Variants in ALG12 observed in about 807,000 individuals in gnomAD.
ALG12 encodes dol-P-Man:Man(7)GlcNAc(2)-PP-Dol alpha-1,6-mannosyltransferase.
ALG12 carries 36 observed loss-of-function variants against 46.0 expected under a neutral mutation model. The ratio of observed to expected loss-of-function variants is 0.78; its 90% CI spans 0.60 to 1.03. The LOEUF (loss-of-function observed/expected upper bound fraction) is 1.03, where lower values mean the gene tolerates loss of function less well. Ranked by LOEUF, ALG12 falls within the 50% of genes least tolerant of loss-of-function variation. The pLI, the probability that ALG12 is intolerant of heterozygous loss-of-function variation, is 0.00. For missense variants in ALG12, 599 were observed against 633.5 expected, an observed-to-expected ratio of 0.95 and a Z score of 0.58; for synonymous variants, 326 against 291.6, an observed-to-expected ratio of 1.12 and a Z score of -1.20.
chr22:49,877,267 T>TTATC, the ALG12 span, among the ~76,000 whole-genome samples: 2 of 3,652 alleles, frequency 5.5e-4, no homozygotes, highest in Non-Finnish European at 2.0e-3. Flanking sequence ...TATTATTTAT[T>TTATC]TATTTATTTA....
At position 49,913,817 on chromosome 22, in the gene ALG12, G is replaced by A. The variant is rs1569178348; in HGVS notation, c.-52C>T. 1.2e-6 allele frequency: 2 copies of A among 1,608,310 alleles called. No individual in the cohort carries two copies. Among genetic ancestry groups the A allele is most frequent in the Non-Finnish European group, 1.7e-6 (2 of 1,178,860 alleles). ...CACAGGCCAACAGTGCGAGACACCAGCCGTTAGCACTGCCACTCCACGCAT... is the reference window on the plus strand; with the variant it reads ...CACAGGCCAACAGTGCGAGACACCAACCGTTAGCACTGCCACTCCACGCAT... On this transcript the variant is annotated 5_prime_UTR_variant, in exon 2 of 10. Coordinates refer to ENST00000330817, the MANE Select transcript of ALG12 (RefSeq NM_024105.4).
In ALG12 at chr22:49,907,453, TA is replaced by T. The variant is rs1366557152; in HGVS notation, c.992+267del. Among the ~76,000 whole-genome samples, 4 of 152,126 alleles carry T rather than the reference TA, an allele frequency of 2.6e-5. No homozygotes were observed. The East Asian group carries it at 7.7e-4, about 29-fold the overall frequency. ...GGACTGGGGTCACCCTCCTTTGACATAAGCGCCTAGTTCAACACACCCTGTG... is the reference window on the plus strand; with the variant it reads ...GGACTGGGGTCACCCTCCTTTGACATAGCGCCTAGTTCAACACACCCTGTG... On this transcript the variant is annotated intron_variant, in intron 7 of 9. Transcript: ENST00000330817.
chr22:49,898,587 A>G (rs2060492745), downstream of ALG12, among the ~76,000 whole-genome samples: 1 of 151,596 alleles, frequency 6.6e-6, no homozygotes, highest in African/African-American at 2.4e-5. Flanking sequence ...ACGGGGTTTC[A>G]CCATGTTGGC....
the ALG12 span, chr22:49,884,962 G>A: frequency 6.2e-7 from 1 of 1,612,402 alleles, no homozygotes; most frequent in Non-Finnish European, 8.5e-7. Context: ...GCAGCAGGCT[G>A]ATGGGCTGAG....
rs568064935 is a variant in ALG12, at chr22:49,912,917, AT to A, written c.295+467del. 1.0e-3 allele frequency among the ~76,000 whole-genome samples: 151 copies of A among 148,734 alleles called. 1 individual carries two copies. Among genetic ancestry groups the A allele is most frequent in the African/African-American group, 2.1e-3 (84 of 40,884 alleles). ...AGAACAATATGTACAAAACGTTCTA[AT>A]TTTTTTTTTTTAAAGTCCTCATGTG... On this transcript the variant is annotated intron_variant, in intron 3 of 9. Coordinates refer to ENST00000330817, the MANE Select transcript of ALG12 (RefSeq NM_024105.4).
chr22:49,874,556 G>A, the ALG12 span, among the ~76,000 whole-genome samples: 1 of 149,164 alleles, frequency 6.7e-6, no homozygotes, highest in African/African-American at 2.5e-5. Flanking sequence ...TGTATTTTTA[G>A]TAGACATGGG....
chr22:49,861,265 C>G, the ALG12 span, among the ~76,000 whole-genome samples: 1 of 151,816 alleles, frequency 6.6e-6, no homozygotes, highest in Non-Finnish European at 1.5e-5. Flanking sequence ...CCTCAGCCTC[C>G]TGAGTAGCTG....
the ALG12 span, among the ~76,000 whole-genome samples, chr22:49,881,222 G>A: frequency 2.0e-5 from 3 of 152,212 alleles, no homozygotes; most frequent in Non-Finnish European, 2.9e-5. Context: ...CATGGCACAC[G>A]CCTGTAATCC....
chr22:49,901,619 C>CGTGGTGGGTATGTATG lies in ALG12; in HGVS notation c.*2203_*2218dup, dbSNP rs1569171192. Reference sequence around the variant, plus strand: ...CACCTGTGCATTGTGTGTGTGCATGCGTGGTGGGTATGTATGGTGTGTGCA... The same window carrying CGTGGTGGGTATGTATG: ...CACCTGTGCATTGTGTGTGTGCATGCGTGGTGGGTATGTATGGTGGTGGGTATGTATGGTGTGTGCA... On this transcript the variant is annotated 3_prime_UTR_variant, in exon 10 of 10. Transcript: ENST00000330817. 1 of 125,012 alleles carries CGTGGTGGGTATGTATG rather than the reference C, an allele frequency of 8.0e-6. No homozygotes were observed. Among genetic ancestry groups the CGTGGTGGGTATGTATG allele is most frequent in the Non-Finnish European group, 1.6e-5 (1 of 62,578 alleles). 7.7% of individuals were successfully genotyped at this position (125,012 alleles called of 1,614,324 possible).
the ALG12 span, chr22:49,884,234 C>T: frequency 2.2e-5 from 35 of 1,601,918 alleles, no homozygotes; most frequent in East Asian, 5.6e-4. Context: ...CTGCTTCCAC[C>T]ACAGCCTGCG....
chr22:49,872,537 T>C, the ALG12 span, among the ~76,000 whole-genome samples: 2 of 152,230 alleles, frequency 1.3e-5, no homozygotes, highest in East Asian at 3.9e-4. Context: ...GTTTTGTTTT[T>C]GTTGTTTTTA....
the ALG12 span, among the ~76,000 whole-genome samples, chr22:49,878,954 C>G: frequency 6.6e-6 from 1 of 151,744 alleles, no homozygotes; most frequent in East Asian, 2.0e-4. Context: ...ACCATCGTGG[C>G]CAACATGGTG....
the ALG12 span, chr22:49,884,884 A>G: frequency 6.2e-7 from 1 of 1,605,170 alleles, no homozygotes; most frequent in Middle Eastern, 1.7e-4. Context: ...AGATGGGCTG[A>G]TGGAAGACGT....
the ALG12 span, chr22:49,886,640 T>C: frequency 6.3e-7 from 1 of 1,592,854 alleles, no homozygotes; most frequent in Non-Finnish European, 8.5e-7. The surrounding 1 kb of genome is among the most constrained non-coding windows in gnomAD (Gnocchi z 7.7). Flanking sequence ...GTGAGCCGCC[T>C]GTCTGCCACC....
chr22:49,912,892 A>G (rs773898970), intron 3 of ALG12, among the ~76,000 whole-genome samples: 1 of 152,220 alleles, frequency 6.6e-6, no homozygotes, highest in African/African-American at 2.4e-5. Context: ...ATCGGTTTTT[A>G]GAACAATATG....
At chr22:49,871,601 A>G in the ALG12 span, among the ~76,000 whole-genome samples, 8 of 152,138 alleles carry the variant, frequency 5.3e-5, no homozygotes, top group Non-Finnish European at 1.0e-4. Flanking sequence ...GAAAATGCCA[A>G]CAGTCATCTG....
chr22:49,892,380 C>T, the ALG12 span, among the ~76,000 whole-genome samples: 2 of 152,094 alleles, frequency 1.3e-5, no homozygotes, highest in African/African-American at 2.4e-5. Flanking sequence ...CCAGAGCTGG[C>T]GTGGTGTCAC....
chr22:49,886,303 C>G, the ALG12 span: 1 of 1,543,960 alleles, frequency 6.5e-7, no homozygotes, highest in Non-Finnish European at 8.9e-7. The surrounding 1 kb of genome is among the most constrained non-coding windows in gnomAD (Gnocchi z 7.7). Flanking sequence ...CGCGCTGCCT[C>G]AGCATCACCT....
the ALG12 span, chr22:49,885,263 C>T: frequency 6.3e-7 from 1 of 1,599,182 alleles, no homozygotes; most frequent in South Asian, 1.1e-5. Context: ...GCAGAAAGTT[C>T]CTCTTCCAAA....
Sources: gnomAD v4.1 joint callset for allele counts (sites outside exome capture counted in the v4.1 genomes callset) on GRCh38, gnomAD v4.1.1 for gene constraint, Gnocchi (gnomAD v3.1) non-coding constraint, MANE v1.5 for transcripts, NCBI Gene and HGNC (gene_info 2026-07-23, HGNC 2026-07-21) for gene names.